Variants in FRMD4A observed in about 807,000 individuals in gnomAD.
FRMD4A encodes FERM domain containing 4A.
Under a neutral mutation model 129.1 loss-of-function variants are expected in FRMD4A, and 29 were observed. The observed-to-expected ratio is 0.22, with a 90% CI of 0.17 to 0.31. FRMD4A has a LOEUF of 0.31. Among genes scored for constraint, FRMD4A ranks in the 10% least tolerant of loss-of-function variants. FRMD4A has a pLI of 1.00. For synonymous variants in FRMD4A, 634 were observed against 571.6 expected (o/e 1.11, Z -1.56); for missense variants, 1,272 against 1,375.8 (o/e 0.92, Z 1.19).
chr10:13,986,210 C>A (rs146889976), intron 2 of FRMD4A, among the ~76,000 whole-genome samples: 4 of 151,824 alleles, frequency 2.6e-5, no homozygotes, highest in African/African-American at 4.8e-5. Context: ...ATGTTTATTG[C>A]GGCACTATTC....
At chr10:13,935,475 A>G (rs2095241178) in intron 2 of FRMD4A, among the ~76,000 whole-genome samples, 11 of 136,876 alleles carry the variant, frequency 8.0e-5, no homozygotes, top group Admixed American at 2.3e-4. Flanking sequence ...AAAAAAAAAA[A>G]GTTGTTACCA....
At chr10:14,308,461 T>C (rs1230365673) in intron 2 of FRMD4A, among the ~76,000 whole-genome samples, 1 of 152,238 alleles carries the variant, frequency 6.6e-6, no homozygotes, top group Non-Finnish European at 1.5e-5. Context: ...TTTCTTGTTC[T>C]GTTTCCATAA....
At chr10:14,089,653 AAC>A in intron 2 of FRMD4A, among the ~76,000 whole-genome samples, 2 of 151,754 alleles carry the variant, frequency 1.3e-5, no homozygotes, top group African/African-American at 4.8e-5. Context: ...ACAAAAAAAA[AAC>A]AGAAGAAAGA....
intron 2 of FRMD4A, chr10:14,008,489 G>A (rs2095670348): frequency 1.0e-6 from 1 of 993,266 alleles, no homozygotes; most frequent in African/African-American, 1.7e-5. Flanking sequence ...ACGCGTCTGG[G>A]GAGAGTGATC....
At chr10:14,261,252 T>C (rs1483855116) in intron 2 of FRMD4A, among the ~76,000 whole-genome samples, 3 of 152,216 alleles carry the variant, frequency 2.0e-5, no homozygotes, top group Non-Finnish European at 4.4e-5. Context: ...TTTGCAAATA[T>C]GATCACCATT....
intron 2 of FRMD4A, among the ~76,000 whole-genome samples, chr10:13,946,022 C>T (rs1176994247): frequency 6.6e-6 from 1 of 152,162 alleles, no homozygotes; most frequent in Admixed American, 6.5e-5. Flanking sequence ...TGCACCAGCA[C>T]GTAGTTAGGG....
At chr10:13,758,336 G>A (rs985464302) in intron 8 of FRMD4A, among the ~76,000 whole-genome samples, 3 of 152,166 alleles carry the variant, frequency 2.0e-5, no homozygotes, top group Non-Finnish European at 4.4e-5. Context: ...CCTAGACCCT[G>A]TGTTATATCT....
rs374112986 is a variant in FRMD4A, at chr10:14,217,466, CTT to C, written c.45+112590_45+112591del. On this transcript the variant is annotated intron_variant, in intron 2 of 24. Coordinates refer to ENST00000357447, the MANE Select transcript of FRMD4A (RefSeq NM_018027.5). ...CCCTTTCGTCTGGGTTCCACTCTCT[CTT>C]GTCTGCTGCCATGAAAGATGTACCT... is the stretch of plus-strand genomic sequence containing the variant. Among the ~76,000 whole-genome samples, 53 of 152,328 alleles carry C rather than the reference CTT, an allele frequency of 3.5e-4. 1 individual carries two copies. The East Asian group carries it at 6.4e-3, about 18-fold the overall frequency.
intron 2 of FRMD4A, among the ~76,000 whole-genome samples, chr10:13,899,480 A>G (rs1356966440): frequency 6.6e-6 from 1 of 152,216 alleles, no homozygotes; most frequent in Non-Finnish European, 1.5e-5. Context: ...TTTTCTACAG[A>G]CAAGGAACTT....
chr10:13,968,597 C>T (rs1413947695), intron 2 of FRMD4A, among the ~76,000 whole-genome samples: 2 of 152,206 alleles, frequency 1.3e-5, no homozygotes, highest in Admixed American at 1.3e-4. Context: ...GGATTACAAG[C>T]ATGTGCCACC....
intron 2 of FRMD4A, among the ~76,000 whole-genome samples, chr10:13,873,314 A>G (rs2094458231): frequency 6.6e-6 from 1 of 152,098 alleles, no homozygotes; most frequent in Non-Finnish European, 1.5e-5. Flanking sequence ...CTAAAAAAAT[A>G]TAGTTCATAT....
chr10:13,977,268 A>G (rs1231597482), intron 2 of FRMD4A, among the ~76,000 whole-genome samples: 1 of 152,196 alleles, frequency 6.6e-6, no homozygotes, highest in Non-Finnish European at 1.5e-5. Context: ...CCAGGTCTTA[A>G]CTACTAATCG....
chr10:14,070,720 T>C (rs897504790), intron 2 of FRMD4A, among the ~76,000 whole-genome samples: 1 of 152,248 alleles, frequency 6.6e-6, no homozygotes, highest in African/African-American at 2.4e-5. Flanking sequence ...AACATCTTTC[T>C]ATTAAGTGCT....
intron 2 of FRMD4A, among the ~76,000 whole-genome samples, chr10:14,095,296 A>G (rs1836891079): frequency 6.6e-6 from 1 of 152,192 alleles, no homozygotes. Context: ...GAACGAGTTC[A>G]AGTTTTAAAA....
chr10:14,233,990 T>C (rs1045660382), intron 2 of FRMD4A, among the ~76,000 whole-genome samples: 3 of 152,202 alleles, frequency 2.0e-5, no homozygotes, highest in Non-Finnish European at 4.4e-5. Flanking sequence ...ATCTCTTCCT[T>C]TCTACTGTGC....
chr10:14,184,125 C>CTTTTTTTTTTTTTTTTTTTTT (rs58858936), intron 2 of FRMD4A, among the ~76,000 whole-genome samples: 8 of 64,634 alleles, frequency 1.2e-4, no homozygotes, highest in African/African-American at 2.5e-4. Flanking sequence ...CTTTTCTTTT[C>CTTTTTTTTTTTTTTTTTTTTT]TTTTTTTTTT....
chr10:13,722,151 G>A (rs1336376644), intron 12 of FRMD4A, among the ~76,000 whole-genome samples: 1 of 151,978 alleles, frequency 6.6e-6, no homozygotes, highest in Admixed American at 6.6e-5. Flanking sequence ...AAAATCCCGT[G>A]CAGCAGAAAC....
intron 8 of FRMD4A, among the ~76,000 whole-genome samples, chr10:13,761,021 C>T (rs898235623): frequency 6.6e-6 from 1 of 152,124 alleles, no homozygotes; most frequent in African/African-American, 2.4e-5. Flanking sequence ...GATTTCAGGG[C>T]AATTTCAGCC....
At chr10:14,055,650 A>T (rs1834490335) in intron 2 of FRMD4A, among the ~76,000 whole-genome samples, 1 of 152,184 alleles carries the variant, frequency 6.6e-6, no homozygotes, top group African/African-American at 2.4e-5. Flanking sequence ...GTTTTAAAAC[A>T]CCAACTTTAT....
Sources: allele counts gnomAD v4.1 joint callset (sites outside exome capture counted in the v4.1 genomes callset), GRCh38; gene constraint gnomAD v4.1.1; transcripts MANE v1.5; gene names NCBI Gene and HGNC (gene_info 2026-07-23, HGNC 2026-07-21).